CEMIP: variants seen among roughly 807,000 people sequenced by gnomAD.
CEMIP encodes the protein cell migration-inducing and hyaluronan-binding protein.
In CEMIP, 105 loss-of-function variants were observed where a neutral mutation model predicts 156.9. That is an observed-to-expected ratio of 0.67 (90% CI 0.57 to 0.79). The LOEUF (loss-of-function observed/expected upper bound fraction) is 0.79. Among genes scored for constraint, CEMIP ranks in the 30% least tolerant of loss-of-function variants. The pLI is 0.00. For missense variants in CEMIP, 1,457 were observed against 1,769.4 expected, an observed-to-expected ratio of 0.82 and a Z score of 3.17; for synonymous variants, 676 against 668.4, an observed-to-expected ratio of 1.01 and a Z score of -0.17.
At chr15:80,835,404 G>A (rs12911697) in intron 1 of CEMIP, among the ~76,000 whole-genome samples, 27,193 of 152,170 alleles carry the variant, frequency 0.18, 3,100 homozygotes, top group East Asian at 0.4. Flanking sequence ...GCCTAACCAG[G>A]CCCAAGACAG....
At chr15:80,889,442 TCTGA>T (rs1428706302) in intron 9 of CEMIP, 25 bp from the exon 10 acceptor site, 8 of 1,613,792 alleles carry the variant, frequency 5.0e-6, no homozygotes, top group South Asian at 1.1e-5. Flanking sequence ...CAACCTCCTG[TCTGA>T]CTGTGCTGTT....
intron 9 of CEMIP, 25 bp downstream of exon 9, chr15:80,888,821 G>T (rs780210530): frequency 6.4e-7 from 1 of 1,568,768 alleles, no homozygotes; most frequent in Non-Finnish European, 8.8e-7. Context: ...ACAATTTGGT[G>T]ACACCTAACA....
In CEMIP at chr15:80,928,999, T is replaced by G. The variant is rs754332261; in HGVS notation, c.2457-20T>G. On this transcript the variant is annotated intron_variant, in intron 20 of 29. Coordinates refer to ENST00000394685, the MANE Select transcript of CEMIP (RefSeq NM_001293298.2). The stretch of plus-strand genomic sequence containing the variant: ...GATCTTGTCTCTGGGCATCTCACCT[T>G]AAACATCTTCTCTCTACAGTGGTGG... 2.5e-6 allele frequency: 4 copies of G among 1,614,240 alleles called. No individual in the cohort carries two copies. In the South Asian group the frequency reaches 4.4e-5, roughly 18 times the overall value.
Position 80,921,068 on chromosome 15 carries a change from C to T in CEMIP, c.2040C>T (p.Asn680=). 41 of 1,614,210 alleles carry T rather than the reference C, an allele frequency of 2.5e-5. No homozygotes were observed. Among genetic ancestry groups the T allele is most frequent in the Non-Finnish European group, 3.2e-5 (38 of 1,180,034 alleles). Residue 680 remains asparagine, a synonymous_variant, in exon 16 of 30, where the codon AAC becomes AAT. Transcript: ENST00000394685. Reference sequence around the variant, plus strand: ...CCTTCTGGATGGCCAATCCCAACAACAACCTCATCAACTGTGCCGCTGCAG... The same window carrying T: ...CCTTCTGGATGGCCAATCCCAACAATAACCTCATCAACTGTGCCGCTGCAG... ...VSTFWMANPN[N]NLINCAAAGS...
At chr15:80,931,641 A>G (rs1900915229) in intron 21 of CEMIP, among the ~76,000 whole-genome samples, 1 of 152,130 alleles carries the variant, frequency 6.6e-6, no homozygotes, top group Non-Finnish European at 1.5e-5. Flanking sequence ...GTGTCTATAC[A>G]TGCTTTAAAT....
chr15:80,863,191 C>CA (rs1041744611), intron 1 of CEMIP, among the ~76,000 whole-genome samples: 8 of 151,846 alleles, frequency 5.3e-5, no homozygotes, highest in African/African-American at 1.9e-4. Flanking sequence ...GCTTAAATGA[C>CA]AAAAAAAGAG....
intron 1 of CEMIP, among the ~76,000 whole-genome samples, chr15:80,866,620 T>TAAAC (rs1898134700): frequency 7.0e-6 from 1 of 141,994 alleles, no homozygotes; most frequent in Admixed American, 7.1e-5. Flanking sequence ...AATAAATAAA[T>TAAAC]AAATAAATAA....
intron 1 of CEMIP, among the ~76,000 whole-genome samples, chr15:80,859,589 G>T (rs1011206322): frequency 6.6e-6 from 1 of 152,220 alleles, no homozygotes. Context: ...TCCACATGCC[G>T]GAAGGCAATG....
intron 12 of CEMIP, among the ~76,000 whole-genome samples, chr15:80,900,037 G>T (rs577987492): frequency 1.3e-5 from 2 of 152,258 alleles, no homozygotes; most frequent in Non-Finnish European, 1.5e-5. Flanking sequence ...GAGGTGGGAG[G>T]GCATGCCAGG....
At chr15:80,891,044 T>C (rs1008477875) in intron 10 of CEMIP, among the ~76,000 whole-genome samples, 17 of 152,242 alleles carry the variant, frequency 1.1e-4, no homozygotes, top group African/African-American at 4.1e-4. Flanking sequence ...CTCATAACCT[T>C]GAATGTTCCA....
intron 17 of CEMIP, among the ~76,000 whole-genome samples, chr15:80,923,917 C>T (rs1349956505): frequency 1.3e-5 from 2 of 152,166 alleles, no homozygotes; most frequent in South Asian, 2.1e-4. Context: ...CTCACATCAC[C>T]GCTGCTGAAT....
chr15:80,875,922 CT>C (rs1898459033), intron 3 of CEMIP, among the ~76,000 whole-genome samples: 1 of 152,192 alleles, frequency 6.6e-6, no homozygotes, highest in Non-Finnish European at 1.5e-5. Context: ...GGTGTCAGAG[CT>C]TCTGGAGAGC....
intron 1 of CEMIP, among the ~76,000 whole-genome samples, chr15:80,812,391 G>A (rs183114697): frequency 7.2e-5 from 11 of 152,260 alleles, no homozygotes. Context: ...TTACAAACTT[G>A]TGTAAAAGAA....
rs78344590 is a variant in CEMIP at position 80,888,997 on chromosome 15, T to G, written c.964+201T>G. On this transcript the variant is annotated intron_variant, in intron 9 of 29. Transcript: ENST00000394685. ...CATAGCCCAGAAGGATGTTCTCCTCTGGCTAAGATTTCAATTTCACCTCAG... is the reference window on the plus strand; with the variant it reads ...CATAGCCCAGAAGGATGTTCTCCTCGGGCTAAGATTTCAATTTCACCTCAG... Among the ~76,000 whole-genome samples the G allele has an allele frequency of 2.7e-3, 416 of 152,366 alleles. 2 individuals are homozygous for G. The highest frequency in any genetic ancestry group is 0.014 in the Middle Eastern group (4 of 294).
intron 1 of CEMIP, among the ~76,000 whole-genome samples, chr15:80,868,362 T>C (rs552873873): frequency 1.6e-4 from 24 of 152,284 alleles, no homozygotes; most frequent in African/African-American, 5.8e-4. Flanking sequence ...AGTGGTGTTA[T>C]TGTTCCCATT....
chr15:80,896,439 A>G (rs1054704432), intron 12 of CEMIP: 12 of 463,550 alleles, frequency 2.6e-5, no homozygotes, highest in Admixed American at 1.7e-4. Context: ...CATTGGCTAA[A>G]GTAAGTCACA....
chr15:80,822,818 A>C (rs1459835145), intron 1 of CEMIP, among the ~76,000 whole-genome samples: 2 of 152,116 alleles, frequency 1.3e-5, no homozygotes, highest in African/African-American at 2.4e-5. Flanking sequence ...ACGTGGTGCC[A>C]TTTGGTTTAT....
rs372602702 is a variant in CEMIP, at chr15:80,840,642, A to C, written c.-175-32896A>C. On this transcript the variant is annotated intron_variant, in intron 1 of 29. Coordinates refer to ENST00000394685, the MANE Select transcript of CEMIP (RefSeq NM_001293298.2). ...GAAACTGCAGGGGCCACACTGCTGG[A>C]CTGCTGGGTGTCCCTGGCCCGAGGC... is the stretch of plus-strand genomic sequence containing the variant. Among the ~76,000 whole-genome samples, 13 of 152,254 alleles carry C rather than the reference A, an allele frequency of 8.5e-5. 1 individual carries two copies. Among genetic ancestry groups the C allele is most frequent in the East Asian group, 1.9e-4 (1 of 5,176 alleles).
At chr15:80,859,614 G>C (rs1222861338) in intron 1 of CEMIP, among the ~76,000 whole-genome samples, 1 of 152,154 alleles carries the variant, frequency 6.6e-6, no homozygotes, top group Non-Finnish European at 1.5e-5. Context: ...GCCTACCCTG[G>C]GTCTAAACAC....
Sources: gnomAD v4.1 joint callset for allele counts (sites outside exome capture counted in the v4.1 genomes callset) on GRCh38, gnomAD v4.1.1 for gene constraint, MANE v1.5 for transcripts, NCBI Gene and HGNC (gene_info 2026-07-23, HGNC 2026-07-21) for gene names.